The following SLC34A1 variants were observed in gnomAD, a reference collection of about 807,000 sequenced individuals.
SLC34A1 encodes solute carrier family 34 member 1, also known as sodium-dependent phosphate transport protein 2A.
SLC34A1 carries 57 observed loss-of-function variants against 51.4 expected under a neutral mutation model. The ratio of observed to expected loss-of-function variants is 1.11; its 90% CI spans 0.90 to 1.38. SLC34A1 has a LOEUF of 1.38. Ranked by LOEUF, SLC34A1 falls within the 40% of genes most tolerant of loss-of-function variation. The pLI, the probability that SLC34A1 is intolerant of heterozygous loss-of-function variation, is 0.00. For missense variants in SLC34A1, 796 were observed against 835.6 expected, an observed-to-expected ratio of 0.95 and a Z score of 0.58; for synonymous variants, 368 against 358.0, an observed-to-expected ratio of 1.03 and a Z score of -0.32.
At chr5:177,392,108 C>A (rs564109855) in intron 8 of SLC34A1, among the ~76,000 whole-genome samples, 1 of 152,342 alleles carries the variant, frequency 6.6e-6, no homozygotes, top group South Asian at 2.1e-4. Flanking sequence ...GAGCACATTG[C>A]CCCATTCAAG....
intron 8 of SLC34A1, among the ~76,000 whole-genome samples, chr5:177,392,569 A>G (rs985563831): frequency 6.6e-6 from 1 of 152,222 alleles, no homozygotes; most frequent in African/African-American, 2.4e-5. Flanking sequence ...ATTGAATTGT[A>G]AAAGATAACT....
In SLC34A1 at chr5:177,398,527, C is replaced by T. The variant is rs774564955; in HGVS notation, c.*241C>T. Reference sequence around the variant, plus strand: ...GTATTTGTGTACAGGTGTGCCAGCCCATGCAGGTGTACACAGACACACCTG... The same window carrying T: ...GTATTTGTGTACAGGTGTGCCAGCCTATGCAGGTGTACACAGACACACCTG... On this transcript the variant is annotated 3_prime_UTR_variant, in exon 13 of 13. Transcript: ENST00000324417. This position sits in a 1 kb window ranked among gnomAD's most constrained non-coding sequence, Gnocchi z 4.7. 105 of 608,884 alleles carry T rather than the reference C, an allele frequency of 1.7e-4. No homozygotes were observed. The highest frequency in any genetic ancestry group is 2.9e-4 in the Non-Finnish European group (98 of 334,774). 37.7% of individuals were successfully genotyped at this position (608,884 alleles called of 1,614,324 possible). A position where few individuals can be genotyped will look rare whatever the true frequency, so the allele number is the denominator to read the frequency against.
intron 9 of SLC34A1, 113 bp from the exon 10 acceptor site, chr5:177,393,915 G>A: frequency 6.6e-7 from 1 of 1,509,672 alleles, no homozygotes; most frequent in Non-Finnish European, 9.2e-7. Context: ...CTCCGGTGTT[G>A]AGGCTCAAGG....
chr5:177,393,905 C>A, intron 9 of SLC34A1, 123 bp from the exon 10 acceptor site: 2 of 1,500,794 alleles, frequency 1.3e-6, no homozygotes, highest in Non-Finnish European at 9.3e-7. Context: ...CTGGGTCAAG[C>A]TCCGGTGTTG....
At chr5:177,391,672 C>T (rs1218659826) in intron 8 of SLC34A1, among the ~76,000 whole-genome samples, 1 of 152,228 alleles carries the variant, frequency 6.6e-6, no homozygotes, top group Non-Finnish European at 1.5e-5. Context: ...CAGTCACACA[C>T]ACAGCCTCCC....
intron 8 of SLC34A1, 68 bp from the exon 9 acceptor site, chr5:177,393,626 C>A: frequency 6.7e-7 from 1 of 1,490,498 alleles, no homozygotes; most frequent in South Asian, 1.1e-5. Context: ...CTCTCCCTAA[C>A]TCCCATCTCA....
rs1410762063 is a variant in SLC34A1 at position 177,396,151 on chromosome 5, G to A, written c.1175-582G>A. On this transcript the variant is annotated intron_variant, in intron 10 of 12. Coordinates refer to ENST00000324417, the MANE Select transcript of SLC34A1 (RefSeq NM_003052.5). This position sits in a 1 kb window ranked among gnomAD's most constrained non-coding sequence, Gnocchi z 4.0. ...AGTACTAGAATAAGGGGTATCATGG[G>A]GCTGTGGGAGCTCAGAGAAGGGAGA... Among the ~76,000 whole-genome samples, 2 of 152,180 alleles carry A rather than the reference G, an allele frequency of 1.3e-5. No homozygotes were observed. The highest frequency in any genetic ancestry group is 2.9e-5 in the Non-Finnish European group (2 of 68,034).
intron 5 of SLC34A1, among the ~76,000 whole-genome samples, chr5:177,387,043 G>T (rs949170793): frequency 6.6e-6 from 1 of 151,926 alleles, no homozygotes; most frequent in African/African-American, 2.4e-5. Flanking sequence ...TTGAATAACT[G>T]GGTACCACAG....
At chr5:177,390,051 C>A in intron 8 of SLC34A1, 1 of 1,216,748 alleles carries the variant, frequency 8.2e-7, no homozygotes, top group East Asian at 4.3e-5. Flanking sequence ...TGTGCTTGGT[C>A]TTGCAAAGTG....
Position 177,386,202 on chromosome 5 carries a change from C to T in SLC34A1, c.260-19C>T. 3 of 1,614,142 alleles carry T rather than the reference C, an allele frequency of 1.9e-6. No individual in the cohort carries two copies. The highest frequency in any genetic ancestry group is 2.5e-6 in the Non-Finnish European group (3 of 1,180,020). ...TGCCCTGGCCTCTGCCCACTATGCT[C>T]ATGGCTTCCCCCATCCAGAGTCCAG... On this transcript the variant is annotated intron_variant, in intron 3 of 12. Coordinates refer to ENST00000324417, the MANE Select transcript of SLC34A1 (RefSeq NM_003052.5). The surrounding 1 kb of genome is among the most constrained non-coding windows in gnomAD (Gnocchi z 4.8).
rs750417754 is a variant in SLC34A1 at position 177,386,070 on chromosome 5, G to T, written c.193G>T (p.Gly65Trp). ...CCTTGCTGAGCACACCTGCCCCTGT[G>T]GGGAGGTCCTGGAGCGCCATGAACC... ...VALAEHTCPC[G>W]EVLERHEPLP... is the part of the protein sequence containing the mutation. Residue 65 changes from glycine to tryptophan, a missense_variant, in exon 3 of 13, where the codon GGG becomes TGG. Transcript: ENST00000324417. The surrounding 1 kb of genome is among the most constrained non-coding windows in gnomAD (Gnocchi z 4.8). 8 of 1,611,890 alleles carry T rather than the reference G, an allele frequency of 5.0e-6. No homozygotes were observed. The highest frequency in any genetic ancestry group is 1.7e-4 in the Middle Eastern group (1 of 6,052).
intron 8 of SLC34A1, chr5:177,389,660 A>G (rs1419583862): frequency 5.2e-6 from 8 of 1,537,142 alleles, no homozygotes; most frequent in African/African-American, 1.4e-5. Context: ...AGGGAGAGAA[A>G]TCACACACTT....
chr5:177,392,873 C>T (rs551702610), intron 8 of SLC34A1, among the ~76,000 whole-genome samples: 1 of 152,206 alleles, frequency 6.6e-6, no homozygotes, highest in Non-Finnish European at 1.5e-5. Context: ...CCTCAGCCCC[C>T]CAAAGTGCTG....
intron 12 of SLC34A1, 122 bp from the exon 13 acceptor site, chr5:177,397,661 C>T (rs1050087053): frequency 7.5e-7 from 1 of 1,339,466 alleles, no homozygotes; most frequent in African/African-American, 1.4e-5. Flanking sequence ...GCACATCACC[C>T]CTAAGTGGAA....
chr5:177,398,186 C>A lies in SLC34A1; in HGVS notation c.1820C>A (p.Ser607Ter). The A allele has an allele frequency of 6.2e-7, 1 of 1,611,286 alleles. No individual in the cohort carries two copies. The highest frequency in any genetic ancestry group is 8.5e-7 in the Non-Finnish European group (1 of 1,179,858). The change falls in exon 13 of 13, where the codon TCA becomes TAA. Residue 607 changes from serine (S) to a stop codon, truncating the protein, a stop_gained. Coordinates refer to ENST00000324417, the MANE Select transcript of SLC34A1 (RefSeq NM_003052.5). LOFTEE classifies it high-confidence loss of function. The surrounding 1 kb of genome is among the most constrained non-coding windows in gnomAD (Gnocchi z 4.7). The part of the protein sequence containing the change: ...TLCCARPEPR[S>*]PPLPPRVFLE... ...TGCTGTGCCAGGCCTGAGCCCCGCT[C>A]ACCCCCGCTGCCCCCCAGGGTCTTC...
intron 10 of SLC34A1, among the ~76,000 whole-genome samples, chr5:177,394,548 G>C (rs1056622945): frequency 6.6e-6 from 1 of 152,198 alleles, no homozygotes; most frequent in Non-Finnish European, 1.5e-5. Flanking sequence ...CAGCCCAGCA[G>C]GGGGAGGAAA....
At chr5:177,393,955 C>G in intron 9 of SLC34A1, 73 bp from the exon 10 acceptor site, 1 of 1,597,924 alleles carries the variant, frequency 6.3e-7, no homozygotes, top group Non-Finnish European at 8.6e-7. Context: ...GGATCAGAGC[C>G]CAACTGGGTG....
chr5:177,385,825 C>T lies in SLC34A1; in HGVS notation c.84C>T (p.Ala28=). Reference sequence around the variant, plus strand: ...GGGGGCATGTGATGCGAGGGACGGCCTTTGCCTACGTGCCCAGCCCTCAGG... The same window carrying T: ...GGGGGCATGTGATGCGAGGGACGGCTTTTGCCTACGTGCCCAGCCCTCAGG... ...VRGGHVMRGT[A]FAYVPSPQVL... The change falls in exon 2 of 13, where the codon GCC becomes GCT. Residue 28 remains alanine (A), a synonymous_variant. Transcript: ENST00000324417. The T allele has an allele frequency of 6.2e-7, 1 of 1,613,548 alleles. No individual in the cohort carries two copies. The highest frequency in any genetic ancestry group is 8.5e-7 in the Non-Finnish European group (1 of 1,179,912).
chr5:177,385,658 G>A, intron 1 of SLC34A1, 37 bp from the exon 2 acceptor site: 1 of 962,984 alleles, frequency 1.0e-6, no homozygotes, highest in Non-Finnish European at 1.7e-6. Flanking sequence ...GAGGGTGTGT[G>A]GGCATGAGTG....
Sources: gnomAD v4.1 joint callset for allele counts (sites outside exome capture counted in the v4.1 genomes callset) on GRCh38, gnomAD v4.1.1 for gene constraint, Gnocchi (gnomAD v3.1) non-coding constraint, MANE v1.5 for transcripts, NCBI Gene and HGNC (gene_info 2026-07-23, HGNC 2026-07-21) for gene names.